CACNA1C: variants seen among roughly 807,000 people sequenced by gnomAD.
The protein encoded by CACNA1C is voltage-dependent L-type calcium channel subunit alpha-1C.
Under a neutral mutation model 229.0 loss-of-function variants are expected in CACNA1C, and 30 were observed. The ratio of observed to expected loss-of-function variants is 0.13; its 90% CI spans 0.10 to 0.18. CACNA1C has a LOEUF of 0.18. CACNA1C is among the 10% of genes least tolerant of loss of function. CACNA1C has a pLI of 1.00. For missense variants in CACNA1C, 1,658 were observed against 2,845.0 expected, an observed-to-expected ratio of 0.58 and a Z score of 9.49; for synonymous variants, 1,114 against 1,132.5, an observed-to-expected ratio of 0.98 and a Z score of 0.33.
intron 1 of CACNA1C, among the ~76,000 whole-genome samples, chr12:2,069,703 G>C (rs138915867): frequency 1.3e-5 from 2 of 152,312 alleles, no homozygotes; most frequent in East Asian, 3.9e-4. Flanking sequence ...ACCGTTACTT[G>C]AGTATTTCAA....
At chr12:2,398,665 G>A (rs572090307) in intron 3 of CACNA1C, among the ~76,000 whole-genome samples, 1 of 152,194 alleles carries the variant, frequency 6.6e-6, no homozygotes, top group Non-Finnish European at 1.5e-5. Context: ...GGTCAGAACA[G>A]GGTGGCCTAC....
chr12:2,070,258 C>T (rs2060718805), intron 1 of CACNA1C, among the ~76,000 whole-genome samples: 1 of 152,180 alleles, frequency 6.6e-6, no homozygotes, highest in Non-Finnish European at 1.5e-5. Flanking sequence ...CCCATGTTTG[C>T]CTGGCCTTGC....
chr12:1,991,636 A>G lies in CACNA1C; in HGVS notation c.139+20435A>G, dbSNP rs543587035. ...TAGACTAGCCACACTTCAGGTACTA[A>G]ACGGCCACAGTAGTTAGTGACTATC... On this transcript the variant is annotated intron_variant, in intron 1 of 46. Transcript: ENST00000682462. 2.1e-5 allele frequency: 4 copies of G among 187,134 alleles called. No homozygotes were observed. The South Asian group carries it at 4.1e-4, about 19-fold the overall frequency. 11.6% of individuals were successfully genotyped at this position (187,134 alleles called of 1,614,324 possible).
At chr12:2,038,815 C>T (rs1407943690) in intron 1 of CACNA1C, among the ~76,000 whole-genome samples, 1 of 151,856 alleles carries the variant, frequency 6.6e-6, no homozygotes, top group Non-Finnish European at 1.5e-5. Context: ...TTTCCCCATG[C>T]AAGTCACTTC....
chr12:2,251,723 G>A (rs2075672671), intron 3 of CACNA1C, among the ~76,000 whole-genome samples: 1 of 152,198 alleles, frequency 6.6e-6, no homozygotes, highest in Admixed American at 6.5e-5. Context: ...ATCAGAAACA[G>A]CTGCCCTGCA....
chr12:2,087,519 T>C (rs1280458512), intron 1 of CACNA1C, among the ~76,000 whole-genome samples: 1 of 152,198 alleles, frequency 6.6e-6, no homozygotes, highest in Non-Finnish European at 1.5e-5. Context: ...TGTACGTATA[T>C]GTAGAAAAAT....
intron 7 of CACNA1C, among the ~76,000 whole-genome samples, chr12:2,498,714 G>T (rs1384209829): frequency 6.6e-6 from 1 of 152,228 alleles, no homozygotes; most frequent in Non-Finnish European, 1.5e-5. Context: ...GAGCACTCCA[G>T]GACCAAGTGG....
At chr12:2,423,510 A>G (rs1357871192) in intron 3 of CACNA1C, among the ~76,000 whole-genome samples, 1 of 152,190 alleles carries the variant, frequency 6.6e-6, no homozygotes, top group Non-Finnish European at 1.5e-5. Flanking sequence ...GGATTAAATG[A>G]AACGATTCAT....
chr12:2,299,932 C>T (rs898506436), intron 3 of CACNA1C, among the ~76,000 whole-genome samples: 8 of 152,160 alleles, frequency 5.3e-5, no homozygotes, highest in Non-Finnish European at 7.4e-5. Flanking sequence ...AGGTAATATG[C>T]GTGTTTGGCA....
intron 3 of CACNA1C, among the ~76,000 whole-genome samples, chr12:2,380,471 G>A (rs993869462): frequency 6.6e-6 from 1 of 152,214 alleles, no homozygotes; most frequent in African/African-American, 2.4e-5. Flanking sequence ...CCATCTGTGT[G>A]TTTAGGTGGT....
In CACNA1C at chr12:2,457,720, G is replaced by A. The variant is rs753042094; in HGVS notation, c.757+14G>A. ...CCGGAGTCCCAAGTAAGTGAAGCCC[G>A]TTCTTGTGTACAGTGTTATCTCCTC... is the stretch of plus-strand genomic sequence containing the variant. On this transcript the variant is annotated intron_variant, in intron 5 of 46. Transcript: ENST00000399655. 1.0e-5 allele frequency: 16 copies of A among 1,570,536 alleles called. No individual in the cohort carries two copies. Among genetic ancestry groups the A allele is most frequent in the African/African-American group, 2.7e-5 (2 of 73,254 alleles).
Position 2,488,374 on chromosome 12 carries a change from G to A in CACNA1C, c.916+2112G>A, listed in dbSNP as rs1449325987. ...AGACAAAGAAAGCATGGCACGGGGA[G>A]GGAGCCGTCCTGAAGGCCATAGCCG... On this transcript the variant is annotated intron_variant, in intron 6 of 46. Coordinates refer to ENST00000399655, the MANE Select transcript of CACNA1C (RefSeq NM_000719.7). This position sits in a 1 kb window ranked among gnomAD's most constrained non-coding sequence, Gnocchi z 4.0. Among the ~76,000 whole-genome samples the A allele has an allele frequency of 2.0e-5, 3 of 152,188 alleles. No individual in the cohort carries two copies. The highest frequency in any genetic ancestry group is 7.2e-5 in the African/African-American group (3 of 41,448).
rs1004078756 is a variant in CACNA1C, at chr12:2,034,232, G to A, written c.139+63031G>A. ...GCCCAAACTCACATGCTTAGTGTGG[G>A]AAAGTTAAGATTTTGCCACATCCAA... On this transcript the variant is annotated intron_variant, in intron 1 of 46. Transcript: ENST00000682462. The surrounding 1 kb of genome is among the most constrained non-coding windows in gnomAD (Gnocchi z 4.1). Among the ~76,000 whole-genome samples, 12 of 152,224 alleles carry A rather than the reference G, an allele frequency of 7.9e-5. No individual in the cohort carries two copies. Among genetic ancestry groups the A allele is most frequent in the Admixed American group, 7.2e-4 (11 of 15,286 alleles).
Position 2,677,836 on chromosome 12 carries a change from T to C in CACNA1C, c.5060T>C (p.Val1687Ala). The C allele has an allele frequency of 6.2e-7, 1 of 1,614,018 alleles. No homozygotes were observed. The highest frequency in any genetic ancestry group is 8.5e-7 in the Non-Finnish European group (1 of 1,179,880). ...EELDKAMKEA[V>A]SAASEDDIFR... ...CTGGACAAGGCCATGAAGGAGGCTG[T>C]GTCCGCTGCTTCTGAAGATGACATC... The change falls in exon 41 of 47, where the codon GTG becomes GCG. Residue 1687 changes from valine (V) to alanine (A), a missense_variant. Physicochemically the swap from Val to Ala is moderately conservative, Grantham distance 64. Around this residue, in one of 20 missense-constraint regions of CACNA1C, gnomAD observed 590 missense variants for 700.8 expected, o/e 0.84. Coordinates refer to ENST00000399655, the MANE Select transcript of CACNA1C (RefSeq NM_000719.7). This position sits in a 1 kb window ranked among gnomAD's most constrained non-coding sequence, Gnocchi z 7.4.
chr12:2,154,578 A>G (rs1366528149), intron 3 of CACNA1C, among the ~76,000 whole-genome samples: 1 of 152,180 alleles, frequency 6.6e-6, no homozygotes, highest in Non-Finnish European at 1.5e-5. Context: ...CTGTGTTTGC[A>G]GCTACAACTC....
chr12:2,675,433 T>C (rs1480249003), intron 39 of CACNA1C, among the ~76,000 whole-genome samples: 1 of 152,170 alleles, frequency 6.6e-6, no homozygotes, highest in African/African-American at 2.4e-5. Flanking sequence ...TAAATCAGTA[T>C]ATTAAATAAG....
At chr12:1,983,982 C>T (rs1477091479) in intron 1 of CACNA1C, among the ~76,000 whole-genome samples, 2 of 152,004 alleles carry the variant, frequency 1.3e-5, no homozygotes, top group East Asian at 3.8e-4. Context: ...TATGCAATGT[C>T]GTTTTTTATC....
At chr12:2,659,904 T>C (rs1232191724) in intron 34 of CACNA1C, 2 of 162,498 alleles carry the variant, frequency 1.2e-5, no homozygotes, top group African/African-American at 4.8e-5. Context: ...GCCTCTGTTT[T>C]GTGGCACTTC....
chr12:2,419,798 CT>C (rs2098956412), intron 3 of CACNA1C, among the ~76,000 whole-genome samples: 1 of 152,168 alleles, frequency 6.6e-6, no homozygotes, highest in African/African-American at 2.4e-5. Flanking sequence ...GCCTCTCCCC[CT>C]AAGAGATTTT....
Sources: allele counts gnomAD v4.1 joint callset (sites outside exome capture counted in the v4.1 genomes callset), GRCh38; gene constraint gnomAD v4.1.1; regional missense constraint gnomAD v4.1.1; non-coding constraint Gnocchi (gnomAD v3.1); transcripts MANE v1.5; gene names NCBI Gene and HGNC (gene_info 2026-07-23, HGNC 2026-07-21).